STPG2: variants seen among roughly 807,000 people sequenced by gnomAD.
The protein encoded by STPG2 is sperm tail PG-rich repeat containing 2, also known as sperm-tail PG-rich repeat-containing protein 2.
In STPG2, 56 loss-of-function variants were observed where a neutral mutation model predicts 54.2. That is an observed-to-expected ratio of 1.03 (90% confidence interval 0.83 to 1.29). The LOEUF (loss-of-function observed/expected upper bound fraction) is 1.29, where lower values mean the gene tolerates loss of function less well. Among genes scored for constraint, STPG2 ranks in the 50% most tolerant of loss-of-function variants. The probability of loss-of-function intolerance (pLI) is 0.00; values close to 1 mark genes in which losing one functional copy is unlikely to be tolerated. For missense variants in STPG2, 596 were observed against 544.9 expected (o/e 1.09, Z -0.93); for synonymous variants, 200 against 181.8 (o/e 1.10, Z -0.81).
At chr4:97,992,979 T>C (rs546891350) in intron 5 of STPG2, among the ~76,000 whole-genome samples, 1 of 152,338 alleles carries the variant, frequency 6.6e-6, no homozygotes, top group East Asian at 1.9e-4. Context: ...AGGAGCTTTT[T>C]GGATGAATCT....
chr4:97,444,038 G>A (rs954107638), intron 4 of STPG2, among the ~76,000 whole-genome samples: 2 of 152,044 alleles, frequency 1.3e-5, no homozygotes, highest in African/African-American at 4.8e-5. Context: ...AATTAAGAAT[G>A]CAATAGATGT....
chr4:98,001,650 T>C (rs971339492), intron 5 of STPG2, among the ~76,000 whole-genome samples: 3 of 152,136 alleles, frequency 2.0e-5, no homozygotes, highest in Admixed American at 2.0e-4. Context: ...AGAATTCAAA[T>C]GCCTGCTAGG....
At position 97,943,896 on chromosome 4, in the gene STPG2, C is replaced by A; in HGVS notation, c.1044+1G>T. On this transcript the variant is annotated splice_donor_variant, in intron 8 of 10. Transcript: ENST00000295268. LOFTEE classifies it high-confidence loss of function. The stretch of plus-strand genomic sequence containing the variant: ...ATATTTGATTGTAGGAGTATTCTTA[C>A]CATATCTGGTACTTTCATAGTTCTT... 6.4e-7 allele frequency: 1 copy of A among 1,554,620 alleles called. No individual in the cohort carries two copies. Among genetic ancestry groups the A allele is most frequent in the Non-Finnish European group, 8.7e-7 (1 of 1,154,618 alleles).
At chr4:97,648,888 T>A (rs989226050) in intron 10 of STPG2, among the ~76,000 whole-genome samples, 1 of 152,164 alleles carries the variant, frequency 6.6e-6, no homozygotes, top group African/African-American at 2.4e-5. Context: ...GTCTTAATAC[T>A]CAGGTCAAGC....
At chr4:97,925,201 A>C (rs1200007096) in intron 8 of STPG2, among the ~76,000 whole-genome samples, 4 of 152,220 alleles carry the variant, frequency 2.6e-5, no homozygotes, top group Admixed American at 2.6e-4. Context: ...CTATATAACC[A>C]GACAGGCAAT....
intron 5 of STPG2, among the ~76,000 whole-genome samples, chr4:98,066,991 T>A (rs900177246): frequency 6.6e-6 from 1 of 152,128 alleles, no homozygotes; most frequent in African/African-American, 2.4e-5. Context: ...GTCAAAAGAC[T>A]CAACATTCAA....
At chr4:97,530,107 T>G (rs1294646933) in intron 4 of STPG2, among the ~76,000 whole-genome samples, 1 of 152,152 alleles carries the variant, frequency 6.6e-6, no homozygotes, top group African/African-American at 2.4e-5. Context: ...TAATCCTTGA[T>G]TTTACAATAT....
At chr4:97,531,329 A>G (rs1336988639) in intron 4 of STPG2, among the ~76,000 whole-genome samples, 1 of 152,212 alleles carries the variant, frequency 6.6e-6, no homozygotes, top group Non-Finnish European at 1.5e-5. Flanking sequence ...TAGAGCTACT[A>G]TACAATCCAA....
chr4:98,056,639 C>A (rs1375470017), intron 5 of STPG2, among the ~76,000 whole-genome samples: 2 of 151,340 alleles, frequency 1.3e-5, no homozygotes, highest in East Asian at 3.9e-4. Flanking sequence ...AAAAAAAACA[C>A]ACACATCCAA....
intron 10 of STPG2, among the ~76,000 whole-genome samples, chr4:97,620,812 C>A (rs778028517): frequency 1.3e-5 from 2 of 151,998 alleles, no homozygotes; most frequent in African/African-American, 2.4e-5. Context: ...ACTCTTCACC[C>A]AACAATAACA....
chr4:97,940,344 C>G (rs572032314), intron 8 of STPG2, among the ~76,000 whole-genome samples: 1 of 152,288 alleles, frequency 6.6e-6, no homozygotes, highest in East Asian at 1.9e-4. Flanking sequence ...CTGTTGGCCT[C>G]TCTAGCAAAA....
At chr4:97,877,090 T>C (rs1490050702) in intron 8 of STPG2, among the ~76,000 whole-genome samples, 1 of 152,224 alleles carries the variant, frequency 6.6e-6, no homozygotes, top group Non-Finnish European at 1.5e-5. Context: ...ATCATGTTTT[T>C]GTGGTAATAA....
intron 7 of STPG2, among the ~76,000 whole-genome samples, chr4:97,950,267 A>G (rs550509988): frequency 6.6e-6 from 1 of 152,110 alleles, no homozygotes; most frequent in Non-Finnish European, 1.5e-5. Context: ...TACATAATCT[A>G]TTATTTCCTG....
intron 3 of STPG2, among the ~76,000 whole-genome samples, chr4:98,127,072 A>G (rs1322423591): frequency 6.6e-6 from 1 of 151,764 alleles, no homozygotes; most frequent in African/African-American, 2.4e-5. Context: ...ATTTATTTAA[A>G]TTTTTAAAAT....
chr4:97,718,024 A>G (rs988980954), intron 9 of STPG2, among the ~76,000 whole-genome samples: 1 of 152,052 alleles, frequency 6.6e-6, no homozygotes, highest in Non-Finnish European at 1.5e-5. Context: ...TCAAGGCAAA[A>G]AAGTAGAATA....
intron 9 of STPG2, among the ~76,000 whole-genome samples, chr4:97,837,982 GTTT>G (rs1560547754): frequency 1.3e-5 from 2 of 151,360 alleles, no homozygotes; most frequent in Admixed American, 1.3e-4. Flanking sequence ...AACGATGTGC[GTTT>G]TTTAAGTTCA....
intron 8 of STPG2, among the ~76,000 whole-genome samples, chr4:97,879,571 G>A (rs1310436038): frequency 6.6e-6 from 1 of 152,036 alleles, no homozygotes; most frequent in African/African-American, 2.4e-5. Context: ...GAACAGTATG[G>A]GGGAAACTGC....
At chr4:97,648,847 C>T (rs1256128599) in intron 10 of STPG2, among the ~76,000 whole-genome samples, 1 of 152,104 alleles carries the variant, frequency 6.6e-6, no homozygotes, top group Non-Finnish European at 1.5e-5. Flanking sequence ...ATGTATTATA[C>T]TGTCAGCATC....
At chr4:97,441,367 G>GA (rs1729074952) in intron 4 of STPG2, 2 of 151,724 alleles carry the variant, frequency 1.3e-5, no homozygotes, top group Admixed American at 1.3e-4. Flanking sequence ...AACATTTTCT[G>GA]AAAAAAACAA....
Sources: gnomAD v4.1 joint callset for allele counts (sites outside exome capture counted in the v4.1 genomes callset) on GRCh38, gnomAD v4.1.1 for gene constraint, MANE v1.5 for transcripts, NCBI Gene and HGNC (gene_info 2026-07-23, HGNC 2026-07-21) for gene names.